Variants in BRD7 observed in about 807,000 individuals in gnomAD.
BRD7 encodes the protein bromodomain-containing protein 7.
BRD7 carries 15 observed loss-of-function variants against 82.1 expected under a neutral mutation model. That is an observed-to-expected ratio of 0.18 (90% CI 0.12 to 0.28). The LOEUF (loss-of-function observed/expected upper bound fraction) is 0.28. BRD7 is among the 10% of genes least tolerant of loss of function. BRD7 has a pLI of 1.00. For synonymous variants in BRD7, 232 were observed against 266.9 expected (o/e 0.87, Z 1.27); for missense variants, 638 against 779.9 (o/e 0.82, Z 2.17).
chr16:50,334,881 G>C lies in BRD7; in HGVS notation c.717C>G (p.Ser239Arg), dbSNP rs770428293. ...CCATGAAGTCTATGCTCTGCTTCAG[G>C]CTCTGAATTCTTTCCTAAACATATT... ...MKILSQERIQ[S>R]LKQSIDFMAD... is the part of the protein sequence containing the mutation. The change falls in exon 7 of 17, where the codon AGC becomes AGG. Residue 239 changes from serine (S) to arginine (R), a missense_variant. Ser to Arg is a moderately radical substitution (Grantham distance 110, BLOSUM62 -1). This residue lies in a region of BRD7 where 402 missense variants were observed against 500.8 expected (regional missense o/e 0.80). Coordinates refer to ENST00000394688, the MANE Select transcript of BRD7 (RefSeq NM_013263.5). 1.2e-6 allele frequency: 2 copies of C among 1,612,688 alleles called. No individual in the cohort carries two copies. Among genetic ancestry groups the C allele is most frequent in the Non-Finnish European group, 1.7e-6 (2 of 1,179,554 alleles).
At chr16:50,322,320 TA>T (rs768392344) in intron 12 of BRD7, among the ~76,000 whole-genome samples, 4 of 152,174 alleles carry the variant, frequency 2.6e-5, no homozygotes, top group Non-Finnish European at 5.9e-5. Context: ...AATATGTAAA[TA>T]AATGGTATCT....
At position 50,362,631 on chromosome 16, in the gene BRD7, T is replaced by A. The variant is rs958860001; in HGVS notation, c.258+5459A>T. 4.6e-5 allele frequency among the ~76,000 whole-genome samples: 7 copies of A among 152,194 alleles called. No individual in the cohort carries two copies. The South Asian group carries it at 8.3e-4, about 18-fold the overall frequency. On this transcript the variant is annotated intron_variant, in intron 2 of 16. Coordinates refer to ENST00000394688, the MANE Select transcript of BRD7 (RefSeq NM_013263.5). ...CAATTAGCCTTAGAAGGGAAGGACA[T>A]TCCAACACACGCTACAACAGACGAA...
intron 8 of BRD7, among the ~76,000 whole-genome samples, chr16:50,331,906 T>A (rs1325083155): frequency 2.0e-5 from 3 of 152,114 alleles, no homozygotes; most frequent in Non-Finnish European, 2.9e-5. Flanking sequence ...GACCACTCAA[T>A]AAATGGCGCT....
chr16:50,343,327 T>A (rs1329317463), intron 5 of BRD7, among the ~76,000 whole-genome samples: 2 of 152,158 alleles, frequency 1.3e-5, no homozygotes, highest in African/African-American at 2.4e-5. Context: ...TGTTTGAAAG[T>A]GTGTAGTGAT....
chr16:50,368,060 G>A (rs2151219665), intron 2 of BRD7, 30 bp downstream of exon 2: 2 of 1,608,884 alleles, frequency 1.2e-6, no homozygotes, highest in Non-Finnish European at 8.5e-7. Flanking sequence ...AGTGCCGTCC[G>A]CAAAGCCAAA....
chr16:50,367,653 C>T (rs1339713540), intron 2 of BRD7, among the ~76,000 whole-genome samples: 3 of 152,208 alleles, frequency 2.0e-5, no homozygotes, highest in South Asian at 2.1e-4. Flanking sequence ...CACACTACAA[C>T]ACTGTTTTAA....
chr16:50,324,133 TCCC>T (rs2037235590), intron 11 of BRD7, among the ~76,000 whole-genome samples: 1 of 151,712 alleles, frequency 6.6e-6, no homozygotes, highest in Non-Finnish European at 1.5e-5. Context: ...TGCTAGATCT[TCCC>T]CCCAAGTAAT....
At chr16:50,348,209 T>A (rs1474699681) in intron 5 of BRD7, among the ~76,000 whole-genome samples, 6 of 152,348 alleles carry the variant, frequency 3.9e-5, no homozygotes, top group East Asian at 1.9e-4. Context: ...GCTAGCCATA[T>A]GTAGAAAGCT....
Position 50,354,419 on chromosome 16 carries a change from A to T in BRD7, c.446+6T>A. On this transcript the variant is annotated splice_donor_region_variant and intron_variant, in intron 4 of 16. Transcript: ENST00000394688. ...TATGTTATAAAAATATTGGAAAAAC[A>T]TTTACCTCTGCAATTGTCTCATCAG... 1 of 1,608,352 alleles carries T rather than the reference A, an allele frequency of 6.2e-7. No homozygotes were observed. The highest frequency in any genetic ancestry group is 1.7e-5 in the Admixed American group (1 of 59,664).
chr16:50,361,018 C>T (rs530019948), intron 2 of BRD7, among the ~76,000 whole-genome samples: 14 of 152,042 alleles, frequency 9.2e-5, no homozygotes, highest in African/African-American at 3.4e-4. Context: ...TTGCTTAATA[C>T]GATTAGTCAC....
intron 16 of BRD7, 26 bp downstream of exon 16, chr16:50,319,861 T>A: frequency 6.2e-7 from 1 of 1,606,102 alleles, no homozygotes; most frequent in Non-Finnish European, 8.5e-7. Flanking sequence ...AGCTTTCTGC[T>A]TTCCCAGAGA....
At chr16:50,354,679 A>T (rs1244400608) in intron 3 of BRD7, 114 bp downstream of exon 3, 7 of 1,413,620 alleles carry the variant, frequency 5.0e-6, no homozygotes, top group Non-Finnish European at 6.7e-6. Flanking sequence ...GAGAGAAAAA[A>T]CTTAAAAATT....
At chr16:50,344,936 G>A (rs1226226079) in intron 5 of BRD7, among the ~76,000 whole-genome samples, 2 of 152,112 alleles carry the variant, frequency 1.3e-5, no homozygotes, top group Non-Finnish European at 1.5e-5. Flanking sequence ...GATACTCCTC[G>A]AGAAGAGCAA....
At chr16:50,353,133 A>G (rs2038602904) in intron 4 of BRD7, among the ~76,000 whole-genome samples, 1 of 150,026 alleles carries the variant, frequency 6.7e-6, no homozygotes, top group South Asian at 2.1e-4. Context: ...CAATGGTGCT[A>G]TCACAGCTCA....
At position 50,319,172 on chromosome 16, in the gene BRD7, A is replaced by G. The variant is rs1335016640; in HGVS notation, c.*39T>C. 1 of 1,479,162 alleles carries G rather than the reference A, an allele frequency of 6.8e-7. No homozygotes were observed. The highest frequency in any genetic ancestry group is 1.2e-5 in the South Asian group (1 of 82,212). 91.6% of individuals were successfully genotyped at this position (1,479,162 alleles called of 1,614,324 possible). A position where few individuals can be genotyped will look rare whatever the true frequency, so the allele number is the denominator to read the frequency against. ...AAAGCATTTCTAAGTTAAGAATGAA[A>G]AAGTATGTACATAATATATAATCAA... On this transcript the variant is annotated 3_prime_UTR_variant, in exon 17 of 17. Coordinates refer to ENST00000394688, the MANE Select transcript of BRD7 (RefSeq NM_013263.5).
intron 5 of BRD7, 79 bp from the exon 6 acceptor site, chr16:50,340,165 G>T: frequency 1.5e-6 from 1 of 675,804 alleles, no homozygotes; most frequent in Non-Finnish European, 2.4e-6. Context: ...AAATATACAG[G>T]TCCTCTAAAA....
At chr16:50,349,910 G>T in intron 5 of BRD7, 113 bp downstream of exon 5, 1 of 1,047,996 alleles carries the variant, frequency 9.5e-7, no homozygotes, top group Non-Finnish European at 1.3e-6. Context: ...AAAGATACTG[G>T]ATCTTAAAAT....
At chr16:50,360,294 T>C (rs988667956) in intron 2 of BRD7, among the ~76,000 whole-genome samples, 2 of 152,218 alleles carry the variant, frequency 1.3e-5, no homozygotes, top group African/African-American at 4.8e-5. Flanking sequence ...AATTAACAGC[T>C]AAAGTCCTTA....
At chr16:50,326,851 T>C (rs997857442) in intron 9 of BRD7, among the ~76,000 whole-genome samples, 6 of 152,144 alleles carry the variant, frequency 3.9e-5, no homozygotes, top group African/African-American at 1.4e-4. Flanking sequence ...AGAACAGGCA[T>C]TAGCCAGGAA....
Sources: allele counts gnomAD v4.1 joint callset (sites outside exome capture counted in the v4.1 genomes callset), GRCh38; gene constraint gnomAD v4.1.1; regional missense constraint gnomAD v4.1.1; transcripts MANE v1.5; gene names NCBI Gene and HGNC (gene_info 2026-07-23, HGNC 2026-07-21).